Variants in PTPDC1 observed in about 807,000 individuals in gnomAD.
PTPDC1 encodes the protein protein tyrosine phosphatase domain-containing protein 1.
PTPDC1 carries 53 observed loss-of-function variants against 75.3 expected under a neutral mutation model. The ratio of observed to expected loss-of-function variants is 0.70; its 90% CI spans 0.56 to 0.88. The LOEUF (loss-of-function observed/expected upper bound fraction) is 0.88, where lower values mean the gene tolerates loss of function less well. Ranked by LOEUF, PTPDC1 falls within the 40% of genes least tolerant of loss-of-function variation. The pLI is 0.00. For missense variants in PTPDC1, 925 were observed against 998.6 expected (o/e 0.93, Z 0.99); for synonymous variants, 349 against 366.2 (o/e 0.95, Z 0.54).
intron 1 of PTPDC1, among the ~76,000 whole-genome samples, chr9:94,058,201 G>A (rs1427475562): frequency 6.6e-6 from 1 of 152,152 alleles, no homozygotes; most frequent in African/African-American, 2.4e-5. Flanking sequence ...AGATGTGAGA[G>A]CAGCACAGGA....
At position 94,088,125 on chromosome 9, in the gene PTPDC1, A is replaced by G; in HGVS notation, c.498-20A>G. On this transcript the variant is annotated intron_variant, in intron 3 of 8. Coordinates refer to ENST00000620992, the MANE Select transcript of PTPDC1 (RefSeq NM_001253829.2). The stretch of plus-strand genomic sequence containing the variant: ...TAAATGCTAGCTCCCAATATGACTG[A>G]CTGCCCTTTTTCCTTTAAGCCATGG... The G allele has an allele frequency of 1.2e-6, 2 of 1,609,410 alleles. No individual in the cohort carries two copies. The highest frequency in any genetic ancestry group is 1.7e-6 in the Non-Finnish European group (2 of 1,178,786).
chr9:94,031,464 AAAG>A (rs977922756), intron 1 of PTPDC1, among the ~76,000 whole-genome samples: 5 of 152,060 alleles, frequency 3.3e-5, no homozygotes, highest in Non-Finnish European at 5.9e-5. Flanking sequence ...ATTAAAAAAA[AAAG>A]AAGAAACACT....
intron 2 of PTPDC1, among the ~76,000 whole-genome samples, chr9:94,070,495 A>G (rs1295487817): frequency 3.3e-5 from 5 of 152,244 alleles, no homozygotes; most frequent in African/African-American, 4.8e-5. Context: ...AATATAAGAA[A>G]TAATACAGAG....
intron 8 of PTPDC1, among the ~76,000 whole-genome samples, chr9:94,105,760 A>C (rs1437227044): frequency 6.6e-6 from 1 of 151,686 alleles, no homozygotes; most frequent in Non-Finnish European, 1.5e-5. Flanking sequence ...CGAGGTCAGG[A>C]GATCAAGACC....
At chr9:94,091,140 G>A (rs999164782) in intron 4 of PTPDC1, among the ~76,000 whole-genome samples, 1 of 151,018 alleles carries the variant, frequency 6.6e-6, no homozygotes, top group Non-Finnish European at 1.5e-5. Flanking sequence ...TGGTGAGAGA[G>A]GGCATCCCTG....
chr9:94,045,460 A>T (rs1300063118), intron 1 of PTPDC1, among the ~76,000 whole-genome samples: 2 of 152,158 alleles, frequency 1.3e-5, no homozygotes, highest in Non-Finnish European at 2.9e-5. Flanking sequence ...AGTCCCACCA[A>T]CAGTGTAAAA....
chr9:94,101,778 G>A, intron 7 of PTPDC1, 27 bp downstream of exon 7: 1 of 1,404,836 alleles, frequency 7.1e-7, no homozygotes, highest in Middle Eastern at 1.9e-4. Flanking sequence ...ACCAGTTAAT[G>A]ACTGTAACTG....
intron 8 of PTPDC1, among the ~76,000 whole-genome samples, chr9:94,106,159 C>T (rs920722963): frequency 6.6e-6 from 1 of 151,984 alleles, no homozygotes. Context: ...TAAGGGGATA[C>T]GAATGAAAAG....
chr9:94,051,789 C>T (rs1825799871), intron 1 of PTPDC1, among the ~76,000 whole-genome samples: 1 of 152,106 alleles, frequency 6.6e-6, no homozygotes, highest in South Asian at 2.1e-4. Context: ...TATCTTTTTG[C>T]TGTCCATGGG....
chr9:94,043,567 A>C (rs1379982575), intron 1 of PTPDC1, among the ~76,000 whole-genome samples: 4 of 152,170 alleles, frequency 2.6e-5, no homozygotes. Flanking sequence ...AAAAAATACA[A>C]TAAATGAGCC....
chr9:94,105,407 C>T (rs1018109904), intron 8 of PTPDC1, among the ~76,000 whole-genome samples: 75 of 152,318 alleles, frequency 4.9e-4, no homozygotes, highest in Middle Eastern at 3.4e-3. Context: ...TGGTGGCTTA[C>T]GCCTGTGATC....
chr9:94,098,625 A>T (rs1827716265), intron 6 of PTPDC1, 46 bp downstream of exon 6: 1 of 1,460,284 alleles, frequency 6.8e-7, no homozygotes, highest in East Asian at 2.3e-5. Context: ...GGAAATATTT[A>T]TGTCAGGGCA....
At chr9:94,044,541 A>C (rs1043093816) in intron 1 of PTPDC1, among the ~76,000 whole-genome samples, 1 of 152,002 alleles carries the variant, frequency 6.6e-6, no homozygotes, top group African/African-American at 2.4e-5. Context: ...TATAAGTGAG[A>C]ACATGTGGCC....
At chr9:94,057,728 T>A (rs926165463) in intron 1 of PTPDC1, among the ~76,000 whole-genome samples, 2 of 152,174 alleles carry the variant, frequency 1.3e-5, no homozygotes, top group Non-Finnish European at 2.9e-5. Flanking sequence ...TTCTAAAATA[T>A]AGTTTAACAT....
chr9:94,061,278 C>T (rs144703823), intron 1 of PTPDC1, among the ~76,000 whole-genome samples: 17 of 152,290 alleles, frequency 1.1e-4, no homozygotes, highest in African/African-American at 2.4e-4. Flanking sequence ...TTGGGCAGCT[C>T]GGCTCCTGTA....
At chr9:94,064,040 T>G (rs1826222161) in intron 1 of PTPDC1, among the ~76,000 whole-genome samples, 5 of 152,200 alleles carry the variant, frequency 3.3e-5, no homozygotes, top group Admixed American at 3.3e-4. Flanking sequence ...ATGGAAATAG[T>G]TTTGTCATTT....
chr9:94,033,063 T>C (rs1166995516), intron 1 of PTPDC1, among the ~76,000 whole-genome samples: 3 of 151,998 alleles, frequency 2.0e-5, no homozygotes, highest in Admixed American at 2.0e-4. Flanking sequence ...AGTTTCGCCA[T>C]GTTCCCCAGG....
intron 8 of PTPDC1, among the ~76,000 whole-genome samples, chr9:94,107,281 C>T (rs1828056304): frequency 6.6e-6 from 1 of 152,188 alleles, no homozygotes; most frequent in Non-Finnish European, 1.5e-5. Context: ...ATGTGCCAAA[C>T]ATGTTAGACT....
rs779024873 is a variant in PTPDC1 at position 94,097,826 on chromosome 9, G to C, written c.1260G>C (p.Glu420Asp). 1.9e-6 allele frequency: 3 copies of C among 1,614,180 alleles called. No individual in the cohort carries two copies. The highest frequency in any genetic ancestry group is 2.2e-5 in the South Asian group (2 of 91,074). Residue 420 changes from glutamate (E) to aspartate (D), a missense_variant, in exon 6 of 9, where the codon GAG (glutamate) becomes GAC (aspartate). Physicochemically the swap from Glu to Asp is conservative, Grantham distance 45. Transcript: ENST00000620992. ...FDNRGMIFSN[E>D]QQFDPLWKRR... The stretch of plus-strand genomic sequence containing the variant: ...ATCGAGGCATGATTTTCTCCAATGA[G>C]CAACAGTTTGACCCTCTTTGGAAAA...
Sources: gnomAD v4.1 joint callset for allele counts (sites outside exome capture counted in the v4.1 genomes callset) on GRCh38, gnomAD v4.1.1 for gene constraint, MANE v1.5 for transcripts, NCBI Gene and HGNC (gene_info 2026-07-23, HGNC 2026-07-21) for gene names.